SERINC5: variants seen among roughly 807,000 people sequenced by gnomAD.
SERINC5 encodes the protein serine incorporator 5.
A neutral mutation model predicts 63.1 loss-of-function variants in SERINC5; 41 were observed. That is an observed-to-expected ratio of 0.65 (90% CI 0.51 to 0.84). SERINC5 has a LOEUF of 0.84. SERINC5 is among the 40% of genes least tolerant of loss of function. The pLI is 0.00. For synonymous variants in SERINC5, 222 were observed against 215.2 expected (o/e 1.03, Z -0.28); for missense variants, 523 against 573.0 (o/e 0.91, Z 0.89).
Position 80,139,028 on chromosome 5 carries a change from G to A in SERINC5, c.*4635C>T, listed in dbSNP as rs1396175676. 1.0e-6 allele frequency: 1 copy of A among 982,478 alleles called. No individual in the cohort carries two copies. The highest frequency in any genetic ancestry group is 1.7e-5 in the African/African-American group (1 of 57,240). The allele number at this position is 982,478 out of a possible 1,614,324, so 60.9% of individuals were successfully genotyped here. On this transcript the variant is annotated 3_prime_UTR_variant, in exon 12 of 12. Coordinates refer to ENST00000507668, the MANE Select transcript of SERINC5 (RefSeq NM_001174072.3). ...AAATAGAAATCCATGACTAAAGGGGGAAAATAACTTTCAAAAGTTACCAAA... is the reference window on the plus strand; with the variant it reads ...AAATAGAAATCCATGACTAAAGGGGAAAAATAACTTTCAAAAGTTACCAAA...
intron 4 of SERINC5, among the ~76,000 whole-genome samples, chr5:80,176,717 G>A (rs1056983441): frequency 6.6e-6 from 1 of 152,258 alleles, no homozygotes; most frequent in Middle Eastern, 3.4e-3. Context: ...GATTACAGGT[G>A]TGAGCTACCA....
chr5:80,116,830 GCT>G (rs1744340359), intron 11 of SERINC5, among the ~76,000 whole-genome samples: 1 of 150,940 alleles, frequency 6.6e-6, no homozygotes, highest in Admixed American at 6.6e-5. Flanking sequence ...AAACTGGAGA[GCT>G]CTTTTTTTTT....
chr5:80,193,148 G>T (rs1580145286), intron 2 of SERINC5, among the ~76,000 whole-genome samples: 1 of 152,190 alleles, frequency 6.6e-6, no homozygotes, highest in Non-Finnish European at 1.5e-5. Flanking sequence ...AACTTTTGAA[G>T]AATGAGCTCG....
At chr5:80,184,336 C>T (rs1748670336) in intron 2 of SERINC5, among the ~76,000 whole-genome samples, 1 of 152,184 alleles carries the variant, frequency 6.6e-6, no homozygotes, top group African/African-American at 2.4e-5. Context: ...TCTATACCAG[C>T]CCATCTTTCA....
rs200623852 is a variant in SERINC5, at chr5:80,191,695, CTTTT to C, written c.195+11187_195+11190del. 1.1e-4 allele frequency among the ~76,000 whole-genome samples: 16 copies of C among 140,218 alleles called. 1 individual carries two copies. In the East Asian group the frequency reaches 3.1e-3, roughly 27 times the overall value. The allele number at this position is 140,218 out of a possible 152,430, so 92.0% of individuals were successfully genotyped here. A position where few individuals can be genotyped will look rare whatever the true frequency, so the allele number is the denominator to read the frequency against. On this transcript the variant is annotated intron_variant, in intron 2 of 11. Coordinates refer to ENST00000507668, the MANE Select transcript of SERINC5 (RefSeq NM_001174072.3). ...AAAAAAAGAAAGAAAAAAAAAAAGA[CTTTT>C]TTTTTTTTAACTTGTAAACAATTTG...
intron 1 of SERINC5, among the ~76,000 whole-genome samples, chr5:80,244,232 T>C (rs1323194676): frequency 1.3e-5 from 2 of 152,060 alleles, no homozygotes; most frequent in East Asian, 3.9e-4. Flanking sequence ...TTTTTTTTTT[T>C]TGAGATGGGG....
chr5:80,200,593 T>A (rs1246785587), intron 2 of SERINC5, among the ~76,000 whole-genome samples: 2 of 152,166 alleles, frequency 1.3e-5, no homozygotes, highest in African/African-American at 4.8e-5. Context: ...CACTACAGTG[T>A]CTTACTGAAG....
chr5:80,190,814 G>A (rs1203936498), intron 2 of SERINC5, among the ~76,000 whole-genome samples: 1 of 152,140 alleles, frequency 6.6e-6, no homozygotes, highest in East Asian at 1.9e-4. Flanking sequence ...TCTAGTGATG[G>A]GAACCAGTAC....
At chr5:80,227,606 C>CAAAA (rs74441331) in intron 1 of SERINC5, among the ~76,000 whole-genome samples, 126 of 102,750 alleles carry the variant, frequency 1.2e-3, no homozygotes, top group Admixed American at 2.7e-3. Flanking sequence ...ACTAAAAATA[C>CAAAA]AAAAAAAAAA....
intron 1 of SERINC5, among the ~76,000 whole-genome samples, chr5:80,237,118 C>A (rs969157443): frequency 2.0e-5 from 3 of 152,130 alleles, no homozygotes; most frequent in African/African-American, 7.2e-5. Context: ...TGAGCCACTG[C>A]GCCCGGCCCC....
At chr5:80,231,623 T>TAA (rs377434100) in intron 1 of SERINC5, among the ~76,000 whole-genome samples, 36 of 140,286 alleles carry the variant, frequency 2.6e-4, no homozygotes, top group Non-Finnish European at 4.2e-4. Flanking sequence ...ACAGTCAAAT[T>TAA]AAAAAAAAAA....
At chr5:80,252,320 A>G (rs2112620112) in intron 1 of SERINC5, among the ~76,000 whole-genome samples, 1 of 152,206 alleles carries the variant, frequency 6.6e-6, no homozygotes, top group African/African-American at 2.4e-5. Context: ...TCGGCCTCCC[A>G]AAGTGCTGGG....
intron 1 of SERINC5, among the ~76,000 whole-genome samples, chr5:80,215,552 T>C (rs1331515275): frequency 2.6e-5 from 4 of 152,240 alleles, no homozygotes; most frequent in Admixed American, 2.0e-4. Flanking sequence ...TATGCTCTTA[T>C]AGTTCCTTTA....
chr5:80,203,401 G>A (rs1252980573), intron 1 of SERINC5, among the ~76,000 whole-genome samples: 1 of 151,448 alleles, frequency 6.6e-6, no homozygotes, highest in African/African-American at 2.4e-5. Context: ...GCCCAGTGCA[G>A]TGATTCACAC....
intron 1 of SERINC5, among the ~76,000 whole-genome samples, chr5:80,254,718 A>G (rs187133423): frequency 2.0e-4 from 31 of 152,138 alleles, no homozygotes; most frequent in Middle Eastern, 3.4e-3. Context: ...TGACACAGGG[A>G]AAAAAAATCA....
At chr5:80,159,437 T>G (rs1368332510) in intron 7 of SERINC5, among the ~76,000 whole-genome samples, 1 of 148,578 alleles carries the variant, frequency 6.7e-6, no homozygotes, top group Non-Finnish European at 1.5e-5. Context: ...CTGAGGTGTG[T>G]TTTTTTTTTA....
chr5:80,187,850 A>G (rs1748915783), intron 2 of SERINC5, among the ~76,000 whole-genome samples: 1 of 152,240 alleles, frequency 6.6e-6, no homozygotes. Flanking sequence ...AGCAACTCTA[A>G]GCAAACCGTT....
At chr5:80,169,666 T>G in intron 5 of SERINC5, 120 bp from the exon 6 acceptor site, 1 of 707,078 alleles carries the variant, frequency 1.4e-6, no homozygotes. Context: ...CCACAGGCAC[T>G]GGTACCCAGC....
At chr5:80,173,193 AAAAGG>A (rs529216741) in intron 5 of SERINC5, among the ~76,000 whole-genome samples, 47 of 151,756 alleles carry the variant, frequency 3.1e-4, no homozygotes, top group African/African-American at 1.1e-3. Context: ...AAGGAAAAGG[AAAAGG>A]AAAGGAAGAG....
Sources: gnomAD v4.1 joint callset for allele counts (sites outside exome capture counted in the v4.1 genomes callset) on GRCh38, gnomAD v4.1.1 for gene constraint, MANE v1.5 for transcripts, NCBI Gene and HGNC (gene_info 2026-07-23, HGNC 2026-07-21) for gene names.